Variants in ORC3 observed in about 807,000 individuals in gnomAD.
The protein encoded by ORC3 is origin recognition complex subunit 3, also known as homolog of latheo, Drosophila.
Under a neutral mutation model 100.7 loss-of-function variants are expected in ORC3, and 78 were observed. The observed-to-expected ratio is 0.77, with a 90% CI of 0.65 to 0.94. The LOEUF (loss-of-function observed/expected upper bound fraction) is 0.94. Ranked by LOEUF, ORC3 falls within the 40% of genes least tolerant of loss-of-function variation. The pLI is 0.00. For missense variants in ORC3, 789 were observed against 823.9 expected, an observed-to-expected ratio of 0.96 and a Z score of 0.52; for synonymous variants, 295 against 289.3, an observed-to-expected ratio of 1.02 and a Z score of -0.20.
intron 7 of ORC3, among the ~76,000 whole-genome samples, chr6:87,611,170 C>T (rs1359334002): frequency 6.6e-6 from 1 of 151,872 alleles, no homozygotes; most frequent in African/African-American, 2.4e-5. Flanking sequence ...CTCTTGGCCT[C>T]AAGAGATCTG....
chr6:87,653,875 A>G (rs138184621), intron 14 of ORC3, among the ~76,000 whole-genome samples: 3 of 152,258 alleles, frequency 2.0e-5, no homozygotes, highest in African/African-American at 7.2e-5. Context: ...TATATCCTGA[A>G]TGCTTAGGGT....
At chr6:87,594,614 G>T in intron 2 of ORC3, 3 of 1,210,108 alleles carry the variant, frequency 2.5e-6, no homozygotes, top group Non-Finnish European at 3.1e-6. Context: ...CCTTCCAAAG[G>T]TAAGTTGGAA....
intron 2 of ORC3, chr6:87,594,668 T>A: frequency 3.0e-6 from 2 of 658,148 alleles, no homozygotes; most frequent in Non-Finnish European, 4.0e-6. Flanking sequence ...TTAAAAGAGA[T>A]TGTCTTTTTG....
At chr6:87,670,744 C>T (rs1770816031), downstream of ORC3, among the ~76,000 whole-genome samples, 1 of 152,182 alleles carries the variant, frequency 6.6e-6, no homozygotes, top group Admixed American at 6.5e-5. Context: ...AAGCATGTGC[C>T]ATGTGCCAGG....
At chr6:87,666,164 G>A (rs117086414) in intron 19 of ORC3, among the ~76,000 whole-genome samples, 13 of 151,924 alleles carry the variant, frequency 8.6e-5, no homozygotes, top group East Asian at 5.8e-4. Flanking sequence ...ACGGAGTCTC[G>A]TCTATCGCCC....
At chr6:87,659,878 T>C (rs1185151631) in intron 16 of ORC3, among the ~76,000 whole-genome samples, 3 of 150,142 alleles carry the variant, frequency 2.0e-5, no homozygotes. Flanking sequence ...CAAGACTCCA[T>C]CTCGAGAAAA....
chr6:87,599,465 T>A lies in ORC3; in HGVS notation c.80-2319T>A, dbSNP rs1290913776. Reference sequence around the variant, plus strand: ...TCACTGCAACCTCTGCCTCCCAGGTTCAGGTGATTCTCCTGCCTCAGCCTC... The same window carrying A: ...TCACTGCAACCTCTGCCTCCCAGGTACAGGTGATTCTCCTGCCTCAGCCTC... On this transcript the variant is annotated intron_variant, in intron 2 of 19. Transcript: ENST00000392844. 2.0e-5 allele frequency among the ~76,000 whole-genome samples: 3 copies of A among 151,910 alleles called. No individual in the cohort carries two copies. In the East Asian group the frequency reaches 5.8e-4, roughly 30 times the overall value.
At chr6:87,668,022 C>T (rs1000717109), downstream of ORC3, among the ~76,000 whole-genome samples, 10 of 152,126 alleles carry the variant, frequency 6.6e-5, no homozygotes, top group Non-Finnish European at 1.2e-4. Context: ...CTCTACAAAT[C>T]ACATCCCAAA....
chr6:87,607,793 C>T lies in ORC3; in HGVS notation c.548C>T (p.Ser183Leu), dbSNP rs149324991. 245 of 1,612,252 alleles carry T rather than the reference C, an allele frequency of 1.5e-4. 2 individuals are homozygous for T. In the African/African-American group the frequency reaches 3.0e-3, roughly 20 times the overall value. The stretch of plus-strand genomic sequence containing the variant: ...AGAAAGACACATTATTCAATGGATT[C>T]ACTTTCCAGTTGGTATATGACTGTC... ...TQRKTHYSMD[S>L]LSSWYMTVTQ... The change falls in exon 6 of 20, where the codon TCA becomes TTA. Residue 183 changes from serine (S) to leucine (L), a missense_variant. Ser to Leu is a moderately radical substitution (Grantham distance 145). Around this residue, in one of 3 missense-constraint regions of ORC3, gnomAD observed 399 missense variants for 382.0 expected, o/e 1.04. Coordinates refer to ENST00000392844, the MANE Select transcript of ORC3 (RefSeq NM_012381.4).
At chr6:87,635,029 G>C in intron 12 of ORC3, 68 bp downstream of exon 12, 1 of 845,844 alleles carries the variant, frequency 1.2e-6, no homozygotes, top group South Asian at 1.3e-5. Flanking sequence ...TTTGGTTTTT[G>C]TAGCATTCAG....
chr6:87,627,364 C>T (rs1438229253), intron 11 of ORC3, among the ~76,000 whole-genome samples: 1 of 139,710 alleles, frequency 7.2e-6, no homozygotes, highest in Non-Finnish European at 1.5e-5. Flanking sequence ...GGCACGATCT[C>T]AGCTCACTGC....
intron 17 of ORC3, among the ~76,000 whole-genome samples, chr6:87,664,538 G>A (rs1001373942): frequency 4.6e-5 from 7 of 152,084 alleles, no homozygotes; most frequent in Non-Finnish European, 8.8e-5. Context: ...TATTCTTCTA[G>A]TGACTAAGAA....
At chr6:87,640,086 T>C (rs1011252244) in intron 13 of ORC3, among the ~76,000 whole-genome samples, 1 of 152,118 alleles carries the variant, frequency 6.6e-6, no homozygotes, top group Non-Finnish European at 1.5e-5. Context: ...GCCTCATGCC[T>C]TTTCTTTAGT....
intron 13 of ORC3, among the ~76,000 whole-genome samples, chr6:87,637,291 C>A (rs1295382336): frequency 6.6e-6 from 1 of 152,174 alleles, no homozygotes; most frequent in Non-Finnish European, 1.5e-5. Flanking sequence ...AAAATTCACA[C>A]TGAAAGCACT....
At chr6:87,659,938 A>G (rs1770056619) in intron 16 of ORC3, among the ~76,000 whole-genome samples, 1 of 86,608 alleles carries the variant, frequency 1.2e-5, no homozygotes, top group Admixed American at 1.3e-4. Context: ...GTCAAAAATT[A>G]CATAGAACCC....
chr6:87,644,079 CTTTTTTTTTTTTTTTTTTT>C (rs1156943778), intron 13 of ORC3, among the ~76,000 whole-genome samples: 2 of 51,390 alleles, frequency 3.9e-5, no homozygotes, highest in Admixed American at 2.7e-4. Context: ...GCTGACTGTC[CTTTTTTTTTTTTTTTTTTT>C]TTTTTTTTTT....
At chr6:87,599,974 A>G (rs1197783175) in intron 2 of ORC3, among the ~76,000 whole-genome samples, 1 of 152,132 alleles carries the variant, frequency 6.6e-6, no homozygotes, top group South Asian at 2.1e-4. Context: ...CCCTGTCTCA[A>G]ATAATAGTAA....
rs1375592576 is a variant in ORC3 at position 87,600,574 on chromosome 6, A to C, written c.80-1210A>C. ...AAATGTATTTGATAAAATGTACAAC[A>C]TACAAAGCCATAATAATTAAAACAG... On this transcript the variant is annotated intron_variant, in intron 2 of 19. Coordinates refer to ENST00000392844, the MANE Select transcript of ORC3 (RefSeq NM_012381.4). 2.0e-5 allele frequency among the ~76,000 whole-genome samples: 3 copies of C among 152,250 alleles called. No homozygotes were observed. The East Asian group carries it at 5.8e-4, about 29-fold the overall frequency.
chr6:87,674,482 G>A, the ORC3 span, among the ~76,000 whole-genome samples: 1 of 151,718 alleles, frequency 6.6e-6, no homozygotes, highest in East Asian at 1.9e-4. Context: ...TGTATGGAAA[G>A]GGAGTCAAAT....
Sources: gnomAD v4.1 joint callset for allele counts (sites outside exome capture counted in the v4.1 genomes callset) on GRCh38, gnomAD v4.1.1 for gene constraint, gnomAD v4.1.1 regional missense constraint, MANE v1.5 for transcripts, NCBI Gene and HGNC (gene_info 2026-07-23, HGNC 2026-07-21) for gene names.